The following ACYP2 variants were observed in gnomAD, a reference collection of about 807,000 sequenced individuals.
ACYP2 encodes acylphosphatase 2.
In ACYP2, 12 loss-of-function variants were observed where a neutral mutation model predicts 11.2. That is an observed-to-expected ratio of 1.08 (90% CI 0.69 to 1.74). The LOEUF is 1.74. ACYP2 is among the 40% of genes most tolerant of loss of function. The pLI, the probability that ACYP2 is intolerant of heterozygous loss-of-function variation, is 0.00. For missense variants in ACYP2, 134 were observed against 101.9 expected, an observed-to-expected ratio of 1.31 and a Z score of -1.35; for synonymous variants, 43 against 32.2, an observed-to-expected ratio of 1.33 and a Z score of -1.13.
At chr2:53,980,189 C>T (rs1671681006) in intron 2 of ACYP2, among the ~76,000 whole-genome samples, 1 of 151,738 alleles carries the variant, frequency 6.6e-6, no homozygotes, top group African/African-American at 2.4e-5. Context: ...TCCATCTCTA[C>T]AAAAAATTTA....
chr2:54,223,419 A>G (rs190847157), intron 6 of ACYP2, among the ~76,000 whole-genome samples: 116 of 152,328 alleles, frequency 7.6e-4, no homozygotes, highest in African/African-American at 2.5e-3. Flanking sequence ...TACAGAATAA[A>G]TCTGGATATA....
chr2:54,031,961 T>G (rs1674609278), intron 2 of ACYP2, among the ~76,000 whole-genome samples: 1 of 152,172 alleles, frequency 6.6e-6, no homozygotes, highest in Non-Finnish European at 1.5e-5. Context: ...TCGCCCACTT[T>G]TTGATGGGGT....
At chr2:54,051,945 G>A (rs925617842) in intron 3 of ACYP2, among the ~76,000 whole-genome samples, 9 of 152,044 alleles carry the variant, frequency 5.9e-5, no homozygotes, top group African/African-American at 2.2e-4. Flanking sequence ...TACTCGGGAA[G>A]CTGAGGCATG....
chr2:54,038,738 A>G (rs1431734207), intron 2 of ACYP2, among the ~76,000 whole-genome samples: 3 of 137,962 alleles, frequency 2.2e-5, no homozygotes, highest in African/African-American at 8.1e-5. Flanking sequence ...AAGATACAGC[A>G]ATGAAAAAAG....
At chr2:53,983,159 C>T (rs567762138) in intron 2 of ACYP2, among the ~76,000 whole-genome samples, 1 of 152,132 alleles carries the variant, frequency 6.6e-6, no homozygotes, top group African/African-American at 2.4e-5. Flanking sequence ...TTTGAGGAAG[C>T]AACATTTGAT....
intron 4 of ACYP2, among the ~76,000 whole-genome samples, chr2:54,131,878 G>A (rs558624486): frequency 3.3e-5 from 5 of 152,290 alleles, no homozygotes; most frequent in Non-Finnish European, 7.4e-5. Context: ...TCCACCTGTA[G>A]CATTTCTGTT....
At chr2:54,201,199 G>A (rs1684739482) in intron 6 of ACYP2, among the ~76,000 whole-genome samples, 1 of 151,478 alleles carries the variant, frequency 6.6e-6, no homozygotes, top group Non-Finnish European at 1.5e-5. Flanking sequence ...TCCGCCTCCT[G>A]GGTTCACGCC....
At chr2:54,012,809 C>A (rs540743109) in intron 2 of ACYP2, among the ~76,000 whole-genome samples, 2 of 152,268 alleles carry the variant, frequency 1.3e-5, no homozygotes, top group East Asian at 3.9e-4. Flanking sequence ...AAAAGCTAAG[C>A]CAGGTCAAGT....
chr2:54,139,030 T>G (rs1386882890), intron 6 of ACYP2, among the ~76,000 whole-genome samples: 1 of 152,204 alleles, frequency 6.6e-6, no homozygotes, highest in East Asian at 1.9e-4. Context: ...TAGATTACAA[T>G]CAAACTAATA....
intron 2 of ACYP2, among the ~76,000 whole-genome samples, chr2:54,019,723 G>A (rs1406964266): frequency 2.0e-5 from 3 of 151,490 alleles, no homozygotes; most frequent in South Asian, 2.1e-4. Context: ...GGGTTCAAGC[G>A]ATTCTCCTGC....
At chr2:54,029,891 C>T (rs915740894) in intron 2 of ACYP2, 3 of 253,022 alleles carry the variant, frequency 1.2e-5, no homozygotes, top group South Asian at 1.3e-4. Context: ...AAGCCGGGTC[C>T]GGCTGTGTTT....
At chr2:53,991,506 A>G (rs1388553962) in intron 2 of ACYP2, among the ~76,000 whole-genome samples, 4 of 151,682 alleles carry the variant, frequency 2.6e-5, no homozygotes, top group African/African-American at 9.7e-5. Flanking sequence ...CCTAGGTTCA[A>G]GTGATTCTCC....
At chr2:53,999,121 A>G (rs775437476) in intron 2 of ACYP2, among the ~76,000 whole-genome samples, 4 of 152,186 alleles carry the variant, frequency 2.6e-5, no homozygotes, top group African/African-American at 4.8e-5. Context: ...ACATAAAGGG[A>G]TTAAGAAAAA....
chr2:54,263,076 A>G (rs1687851265), intron 6 of ACYP2, among the ~76,000 whole-genome samples: 1 of 152,116 alleles, frequency 6.6e-6, no homozygotes, highest in Non-Finnish European at 1.5e-5. Context: ...GAATTGCTAT[A>G]AAAAAATACT....
chr2:54,209,107 G>GA (rs1685219654), intron 6 of ACYP2, among the ~76,000 whole-genome samples: 4 of 150,910 alleles, frequency 2.7e-5, no homozygotes, highest in South Asian at 4.2e-4. Context: ...CCCAGAAACT[G>GA]AAAAAAATCT....
intron 6 of ACYP2, among the ~76,000 whole-genome samples, chr2:54,197,935 A>ATTGTAT (rs201423348): frequency 2.3e-5 from 3 of 131,010 alleles, no homozygotes; most frequent in Admixed American, 7.4e-5. Context: ...TTATTTATGT[A>ATTGTAT]TGTATTATAT....
chr2:54,013,587 A>G (rs1013393083), intron 2 of ACYP2, among the ~76,000 whole-genome samples: 2 of 152,096 alleles, frequency 1.3e-5, no homozygotes, highest in Admixed American at 1.3e-4. Context: ...GGCATGAGCC[A>G]CTGCGCACGG....
At chr2:54,270,159 T>G (rs1376803105) in intron 6 of ACYP2, among the ~76,000 whole-genome samples, 1 of 152,198 alleles carries the variant, frequency 6.6e-6, no homozygotes, top group African/African-American at 2.4e-5. Flanking sequence ...CTAATTATGT[T>G]TCCCTTCTTG....
chr2:54,201,541 C>A (rs527401944), intron 6 of ACYP2, among the ~76,000 whole-genome samples: 3 of 151,914 alleles, frequency 2.0e-5, no homozygotes, highest in Admixed American at 2.0e-4. Context: ...TCTTGTCTTT[C>A]GAAGCACAAA....
Sources: allele counts gnomAD v4.1 joint callset (sites outside exome capture counted in the v4.1 genomes callset), GRCh38; gene constraint gnomAD v4.1.1; transcripts MANE v1.5; gene names NCBI Gene and HGNC (gene_info 2026-07-23, HGNC 2026-07-21).